KANK1: variants seen among roughly 807,000 people sequenced by gnomAD.
The protein encoded by KANK1 is KN motif and ankyrin repeat domain-containing protein 1.
KANK1 carries 109 observed loss-of-function variants against 106.2 expected under a neutral mutation model. The ratio of observed to expected loss-of-function variants is 1.03; its 90% confidence interval spans 0.88 to 1.20. KANK1 has a LOEUF of 1.20. Among genes scored for constraint, KANK1 ranks in the 50% most tolerant of loss-of-function variants. The pLI is 0.00. For missense variants in KANK1, 2,399 were observed against 1,710.7 expected, an observed-to-expected ratio of 1.40 and a Z score of -7.10; for synonymous variants, 873 against 652.2, an observed-to-expected ratio of 1.34 and a Z score of -5.16.
chr9:576,260 G>A (rs974457744), intron 1 of KANK1, among the ~76,000 whole-genome samples: 10 of 152,154 alleles, frequency 6.6e-5, no homozygotes, highest in Admixed American at 1.3e-4. Context: ...ATAATTTTAT[G>A]AGTTTAAATG....
chr9:498,932 C>T lies in KANK1; in HGVS notation c.-362+25659C>T, dbSNP rs2058501787. 2.0e-5 allele frequency among the ~76,000 whole-genome samples: 3 copies of T among 152,286 alleles called. No homozygotes were observed. In the South Asian group the frequency reaches 6.2e-4, roughly 32 times the overall value. Reference sequence around the variant, plus strand: ...GTGGCTCACGCCTTTAATCCCAGCACTTTGGGAGGCCGAGGAGGGTGGATC... The same window carrying T: ...GTGGCTCACGCCTTTAATCCCAGCATTTTGGGAGGCCGAGGAGGGTGGATC... On this transcript the variant is annotated intron_variant, in intron 3 of 15. Coordinates refer to the KANK1 transcript ENST00000382303.
At chr9:587,730 T>G (rs1334008874) in intron 1 of KANK1, among the ~76,000 whole-genome samples, 2 of 152,210 alleles carry the variant, frequency 1.3e-5, no homozygotes, top group East Asian at 3.8e-4. Context: ...TCATAACCCT[T>G]GGTACTTTTA....
At chr9:569,057 G>T (rs181880013) in intron 1 of KANK1, among the ~76,000 whole-genome samples, 22 of 152,226 alleles carry the variant, frequency 1.4e-4, no homozygotes, top group Non-Finnish European at 2.4e-4. Context: ...CAGCTCCACT[G>T]TGGGGCATTG....
intron 1 of KANK1, among the ~76,000 whole-genome samples, chr9:608,031 A>ATTAT (rs1554646363): frequency 5.7e-5 from 5 of 88,100 alleles, no homozygotes; most frequent in Admixed American, 3.5e-4. Flanking sequence ...TATTATTATT[A>ATTAT]TTATTTTTTT....
intron 1 of KANK1, among the ~76,000 whole-genome samples, chr9:597,733 G>A (rs1443483452): frequency 6.6e-6 from 1 of 151,216 alleles, no homozygotes; most frequent in East Asian, 1.9e-4. Flanking sequence ...GCAAGATCTT[G>A]GCTCACTGCA....
intron 2 of KANK1, among the ~76,000 whole-genome samples, chr9:709,736 CT>C (rs977087675): frequency 2.8e-4 from 42 of 152,024 alleles, no homozygotes; most frequent in Middle Eastern, 3.4e-3. Context: ...CTGCCTCAGC[CT>C]CCCAAGTAAC....
At chr9:534,018 C>A (rs1264347846) in intron 1 of KANK1, among the ~76,000 whole-genome samples, 1 of 152,150 alleles carries the variant, frequency 6.6e-6, no homozygotes, top group Admixed American at 6.5e-5. Flanking sequence ...TGTCATTCTG[C>A]ATTTTTATTC....
chr9:663,821 A>C (rs1406676465), intron 1 of KANK1, among the ~76,000 whole-genome samples: 1 of 152,114 alleles, frequency 6.6e-6, no homozygotes, highest in Admixed American at 6.5e-5. Flanking sequence ...CCTTGTGTAC[A>C]CTCTTGGAAA....
In KANK1 at chr9:536,658, TC is replaced by T. The variant is rs750700637; in HGVS notation, c.-84+31905del. Among the ~76,000 whole-genome samples the T allele has an allele frequency of 2.5e-3, 387 of 152,354 alleles. 5 individuals are homozygous for T. Among genetic ancestry groups the T allele is most frequent in the East Asian group, 2.5e-3 (13 of 5,188 alleles). ...GAAATAAAAGACTTTTTAAAAAGAC[TC>T]ATTAGATTGGGTCCATCTAGATAAT... On this transcript the variant is annotated intron_variant, in intron 1 of 11. Coordinates refer to ENST00000382297, the MANE Select transcript of KANK1 (RefSeq NM_015158.5).
Position 737,564 on chromosome 9 carries a change from CCTT to C in KANK1, c.3334-716_3334-714del, listed in dbSNP as rs1171322648. On this transcript the variant is annotated intron_variant, in intron 7 of 11. Transcript: ENST00000382297. ...GAGTTGATCATCCACAAAGCAAGTGCCTTCTTCATGTGTCCACAGCCTAAGGAA... is the reference window on the plus strand; with the variant it reads ...GAGTTGATCATCCACAAAGCAAGTGCCTTCATGTGTCCACAGCCTAAGGAA... 2.0e-5 allele frequency among the ~76,000 whole-genome samples: 3 copies of C among 152,218 alleles called. No individual in the cohort carries two copies. The East Asian group carries it at 5.8e-4, about 29-fold the overall frequency.
At chr9:542,982 CTG>C (rs2060699889) in intron 1 of KANK1, among the ~76,000 whole-genome samples, 1 of 152,104 alleles carries the variant, frequency 6.6e-6, no homozygotes, top group Non-Finnish European at 1.5e-5. Context: ...AGTGTGGTGA[CTG>C]TAGTTAATGT....
At chr9:675,079 G>C (rs896834187) in intron 1 of KANK1, among the ~76,000 whole-genome samples, 1 of 152,088 alleles carries the variant, frequency 6.6e-6, no homozygotes, top group Admixed American at 6.5e-5. Flanking sequence ...TCATCACCCA[G>C]AGGCAACCAC....
At position 707,196 on chromosome 9, in the gene KANK1, C is replaced by T. The variant is rs980428153; in HGVS notation, c.38-3608C>T. 6.1e-6 allele frequency: 6 copies of T among 985,878 alleles called. No homozygotes were observed. In the East Asian group the frequency reaches 4.5e-4, roughly 74 times the overall value. 61.1% of individuals were successfully genotyped at this position (985,878 alleles called of 1,614,324 possible). On this transcript the variant is annotated intron_variant, in intron 2 of 11. Coordinates refer to ENST00000382297, the MANE Select transcript of KANK1 (RefSeq NM_015158.5). ...GAGGCCGGGTCCGGCTGAGCTGGAG[C>T]GAGCTGTGCGGGGCAGCGCGGGCTG...
At chr9:540,955 T>G (rs113366832) in intron 1 of KANK1, among the ~76,000 whole-genome samples, 1 of 152,164 alleles carries the variant, frequency 6.6e-6, no homozygotes, top group Non-Finnish European at 1.5e-5. Context: ...TTCATTAATG[T>G]TCATTTTTTT....
At chr9:728,835 G>A (rs144335516) in intron 3 of KANK1, among the ~76,000 whole-genome samples, 11 of 152,312 alleles carry the variant, frequency 7.2e-5, no homozygotes, top group African/African-American at 2.6e-4. Flanking sequence ...TTGCCAATCA[G>A]AGTATCTTTG....
At chr9:690,973 T>G (rs925235111) in intron 2 of KANK1, among the ~76,000 whole-genome samples, 5 of 152,220 alleles carry the variant, frequency 3.3e-5, no homozygotes, top group African/African-American at 1.2e-4. Flanking sequence ...ACATCTTACT[T>G]GGCTTCTTTC....
At chr9:600,698 C>A (rs1336299898) in intron 1 of KANK1, among the ~76,000 whole-genome samples, 3 of 151,762 alleles carry the variant, frequency 2.0e-5, no homozygotes, top group African/African-American at 7.3e-5. Flanking sequence ...ACATAACTTT[C>A]ATTATCCCTC....
At chr9:476,877 C>T (rs2058114007) in intron 3 of KANK1, 1 of 152,080 alleles carries the variant, frequency 6.6e-6, no homozygotes. Context: ...ACTTCTGAGC[C>T]AAAGTGAGAA....
intron 3 of KANK1, among the ~76,000 whole-genome samples, chr9:497,967 G>T (rs570462743): frequency 6.6e-6 from 1 of 152,054 alleles, no homozygotes; most frequent in Non-Finnish European, 1.5e-5. Flanking sequence ...GGGATCTCTC[G>T]CTGGGGTGTC....
Sources: allele counts gnomAD v4.1 joint callset (sites outside exome capture counted in the v4.1 genomes callset), GRCh38; gene constraint gnomAD v4.1.1; transcripts MANE v1.5; gene names NCBI Gene and HGNC (gene_info 2026-07-23, HGNC 2026-07-21).